SOX5: variants seen among roughly 807,000 people sequenced by gnomAD.
The protein encoded by SOX5 is transcription factor SOX-5.
SOX5 carries 9 observed loss-of-function variants against 92.0 expected under a neutral mutation model. The ratio of observed to expected loss-of-function variants is 0.10; its 90% CI spans 0.06 to 0.17. The LOEUF is 0.17. Among genes scored for constraint, SOX5 ranks in the 10% least tolerant of loss-of-function variants. The probability of loss-of-function intolerance (pLI) is 1.00; values close to 1 mark genes in which losing one functional copy is unlikely to be tolerated. For synonymous variants in SOX5, 344 were observed against 336.3 expected, an observed-to-expected ratio of 1.02 and a Z score of -0.25; for missense variants, 642 against 944.5, an observed-to-expected ratio of 0.68 and a Z score of 4.20.
At chr12:23,813,684 C>T (rs1178410183) in intron 3 of SOX5, among the ~76,000 whole-genome samples, 1 of 152,104 alleles carries the variant, frequency 6.6e-6, no homozygotes, top group African/African-American at 2.4e-5. Context: ...CATCCGTGTA[C>T]CATTTTGCTA....
At chr12:23,770,406 C>A (rs1001120926) in intron 3 of SOX5, among the ~76,000 whole-genome samples, 4 of 152,016 alleles carry the variant, frequency 2.6e-5, no homozygotes, top group African/African-American at 9.7e-5. Flanking sequence ...TCAGCAATTT[C>A]TTGATTGAAT....
chr12:24,094,414 T>A lies in SOX5; in HGVS notation c.-2+118929A>T, dbSNP rs576367822. Among the ~76,000 whole-genome samples, 3 of 152,136 alleles carry A rather than the reference T, an allele frequency of 2.0e-5. No individual in the cohort carries two copies. The South Asian group carries it at 6.2e-4, about 32-fold the overall frequency. ...AAAATTGTAAAGTTCTAAATGCTTA[T>A]TTTTTGGTGGCTTTTCCAATACCTC... On this transcript the variant is annotated intron_variant, in intron 4 of 4. Transcript: ENST00000446891.
At chr12:23,753,316 T>C (rs1382556873) in intron 4 of SOX5, among the ~76,000 whole-genome samples, 2 of 151,562 alleles carry the variant, frequency 1.3e-5, no homozygotes, top group Non-Finnish European at 3.0e-5. Context: ...TTGGCTATAG[T>C]ATGAAATATT....
chr12:24,125,790 A>G (rs1457014408), intron 4 of SOX5, among the ~76,000 whole-genome samples: 1 of 152,190 alleles, frequency 6.6e-6, no homozygotes, highest in Non-Finnish European at 1.5e-5. Flanking sequence ...CCAAAGGCAG[A>G]TAGGTCTGGA....
chr12:23,910,395 A>G (rs2097338911), intron 1 of SOX5, among the ~76,000 whole-genome samples: 1 of 152,140 alleles, frequency 6.6e-6, no homozygotes, highest in Admixed American at 6.6e-5. Flanking sequence ...CCTAGCTCTC[A>G]TGTGTCCAAG....
intron 10 of SOX5, among the ~76,000 whole-genome samples, chr12:23,570,629 G>A (rs1341582561): frequency 6.6e-6 from 1 of 151,440 alleles, no homozygotes; most frequent in Non-Finnish European, 1.5e-5. Context: ...TACAAAAATT[G>A]GTCGGGTGTG....
At chr12:23,568,376 A>G (rs760242641) in intron 10 of SOX5, among the ~76,000 whole-genome samples, 17 of 152,196 alleles carry the variant, frequency 1.1e-4, no homozygotes, top group Admixed American at 6.5e-4. Flanking sequence ...CCCAGTTTAC[A>G]GTAATTTGTA....
intron 4 of SOX5, among the ~76,000 whole-genome samples, chr12:23,752,565 G>A (rs1163764290): frequency 1.3e-5 from 2 of 151,806 alleles, no homozygotes; most frequent in African/African-American, 2.4e-5. Context: ...GACCTTCGGT[G>A]TAATGGAATT....
At chr12:23,846,564 T>C (rs1451129504) in intron 2 of SOX5, among the ~76,000 whole-genome samples, 1 of 152,210 alleles carries the variant, frequency 6.6e-6, no homozygotes, top group African/African-American at 2.4e-5. Flanking sequence ...CCTGCTTTTG[T>C]TTGAGAGCCT....
chr12:24,156,467 C>G (rs1952183680), intron 4 of SOX5, among the ~76,000 whole-genome samples: 3 of 152,208 alleles, frequency 2.0e-5, no homozygotes, highest in East Asian at 3.9e-4. Flanking sequence ...GACTTGTTAC[C>G]ATTTTACTTT....
intron 2 of SOX5, among the ~76,000 whole-genome samples, chr12:24,336,150 A>G (rs1951870177): frequency 2.0e-5 from 3 of 151,100 alleles, no homozygotes; most frequent in African/African-American, 7.3e-5. Flanking sequence ...GCTGGAGTGC[A>G]GTGGTCCAAT....
At chr12:23,750,523 C>A (rs1447651021) in intron 4 of SOX5, among the ~76,000 whole-genome samples, 1 of 151,818 alleles carries the variant, frequency 6.6e-6, no homozygotes, top group Non-Finnish European at 1.5e-5. Context: ...AATTGCATTA[C>A]CCAATAGTCT....
intron 3 of SOX5, among the ~76,000 whole-genome samples, chr12:23,842,299 G>T (rs557001082): frequency 1.3e-5 from 2 of 152,132 alleles, no homozygotes; most frequent in Admixed American, 6.6e-5. Flanking sequence ...TGTTGGGGTG[G>T]AAATGTACAG....
In SOX5 at chr12:24,425,354, C is replaced by T. The variant is rs147509107; in HGVS notation, c.-250-56715G>A. ...TCAGGATTTCATCGAATCACCAGCA[C>T]AATTCATTGGCATTTTCTAAATGAC... is the stretch of plus-strand genomic sequence containing the variant. On this transcript the variant is annotated intron_variant, in intron 1 of 4. Transcript: ENST00000446891. Among the ~76,000 whole-genome samples the T allele has an allele frequency of 1.5e-3, 236 of 152,318 alleles. 2 individuals are homozygous for T. The highest frequency in any genetic ancestry group is 4.4e-3 in the African/African-American group (184 of 41,582).
At chr12:24,473,969 C>A (rs1945082251) in intron 1 of SOX5, among the ~76,000 whole-genome samples, 1 of 152,150 alleles carries the variant, frequency 6.6e-6, no homozygotes, top group Non-Finnish European at 1.5e-5. Flanking sequence ...GATAAAGATT[C>A]TGATTAATCA....
At chr12:23,806,875 A>T (rs2095788628) in intron 3 of SOX5, among the ~76,000 whole-genome samples, 1 of 152,176 alleles carries the variant, frequency 6.6e-6, no homozygotes, top group African/African-American at 2.4e-5. Context: ...CGATAAAATG[A>T]CTTTCAGGGA....
chr12:24,419,961 TGCTATG>T (rs1290367677), intron 1 of SOX5, among the ~76,000 whole-genome samples: 1 of 152,248 alleles, frequency 6.6e-6, no homozygotes, highest in Admixed American at 6.5e-5. Context: ...AAGAAGACTC[TGCTATG>T]GCATTAAGCC....
chr12:24,508,829 G>A (rs1037250387), intron 1 of SOX5, among the ~76,000 whole-genome samples: 2 of 152,094 alleles, frequency 1.3e-5, no homozygotes, highest in Non-Finnish European at 2.9e-5. Flanking sequence ...ACATAAAGAG[G>A]TCCCCTGAAG....
At chr12:23,765,982 A>T (rs1239519349) in intron 3 of SOX5, among the ~76,000 whole-genome samples, 1 of 152,168 alleles carries the variant, frequency 6.6e-6, no homozygotes, top group African/African-American at 2.4e-5. Context: ...AAAACCATTT[A>T]TTCAAATTGT....
Sources: allele counts gnomAD v4.1 joint callset (sites outside exome capture counted in the v4.1 genomes callset), GRCh38; gene constraint gnomAD v4.1.1; transcripts MANE v1.5; gene names NCBI Gene and HGNC (gene_info 2026-07-23, HGNC 2026-07-21).